The following WDR1 variants were observed in gnomAD, a reference collection of about 807,000 sequenced individuals.
The protein encoded by WDR1 is WD repeat domain 1.
WDR1 carries 21 observed loss-of-function variants against 71.9 expected under a neutral mutation model. The ratio of observed to expected loss-of-function variants is 0.29; its 90% CI spans 0.21 to 0.42. The LOEUF (loss-of-function observed/expected upper bound fraction) is 0.42, where lower values mean the gene tolerates loss of function less well. WDR1 is among the 10% of genes least tolerant of loss of function. The probability of loss-of-function intolerance (pLI) is 1.00; values close to 1 mark genes in which losing one functional copy is unlikely to be tolerated. For synonymous variants in WDR1, 424 were observed against 347.4 expected (o/e 1.22, Z -2.45); for missense variants, 696 against 824.5 (o/e 0.84, Z 1.91).
chr4:10,104,987 A>T (rs1025008036), intron 2 of WDR1, among the ~76,000 whole-genome samples: 2 of 151,776 alleles, frequency 1.3e-5, no homozygotes, highest in African/African-American at 4.8e-5. Context: ...ATCTCACGAG[A>T]CTGAGACCAC....
intron 2 of WDR1, among the ~76,000 whole-genome samples, chr4:10,114,783 C>G (rs1713607879): frequency 6.6e-6 from 1 of 152,222 alleles, no homozygotes. Context: ...GTGTGACTAG[C>G]AAGTTGTTAG....
chr4:10,097,815 C>T lies in WDR1; in HGVS notation c.454G>A (p.Val152Met), dbSNP rs1712441301. The change falls in exon 5 of 15, where the codon GTG becomes ATG. Residue 152 changes from valine (V) to methionine (M), a missense_variant. Transcript: ENST00000499869. ...ITGHNKVINS[V>M]DIKQSRPYRL... is the part of the protein sequence containing the mutation. ...TATGGCCGGCTCTGCTTGATGTCCA[C>T]GCTGTTGATGACTTTGTTGTGTCCT... 4.3e-6 allele frequency: 7 copies of T among 1,613,322 alleles called. No homozygotes were observed. Among genetic ancestry groups the T allele is most frequent in the Non-Finnish European group, 5.1e-6 (6 of 1,179,796 alleles).
chr4:10,103,554 T>A (rs1378211210), intron 3 of WDR1, among the ~76,000 whole-genome samples: 1 of 151,956 alleles, frequency 6.6e-6, no homozygotes, highest in Non-Finnish European at 1.5e-5. Flanking sequence ...TAAAATACAC[T>A]AATACTATCG....
chr4:10,101,933 C>T (rs973130670), intron 3 of WDR1, among the ~76,000 whole-genome samples: 1 of 152,234 alleles, frequency 6.6e-6, no homozygotes, highest in Non-Finnish European at 1.5e-5. Context: ...AAATAAATCA[C>T]AGAGCTAAAT....
At chr4:10,091,078 G>A (rs1422783693) in intron 5 of WDR1, among the ~76,000 whole-genome samples, 1 of 152,262 alleles carries the variant, frequency 6.6e-6, no homozygotes, top group Non-Finnish European at 1.5e-5. Context: ...GGCTTGGCCA[G>A]GCAAGGCAGT....
At chr4:10,076,733 G>A (rs1560525612) in intron 14 of WDR1, 1 of 152,540 alleles carries the variant, frequency 6.6e-6, no homozygotes, top group African/African-American at 2.4e-5. Flanking sequence ...GAGAATGGAT[G>A]AGGGGACTTG....
chr4:10,074,593 GAGC>G lies in WDR1; in HGVS notation c.*782_*784del, dbSNP rs1764723840. On this transcript the variant is annotated 3_prime_UTR_variant, in exon 15 of 15. Transcript: ENST00000499869. ...TCCTTAAATTAACCTTTGCTCTTGA[GAGC>G]AGAAGAGGGAAAGACAGGGGAACAT... 6.6e-6 allele frequency: 1 copy of G among 152,616 alleles called. No individual in the cohort carries two copies. The highest frequency in any genetic ancestry group is 1.5e-5 in the Non-Finnish European group (1 of 68,044). The allele number at this position is 152,616 out of a possible 1,614,324, so 9.5% of individuals were successfully genotyped here. A position where few individuals can be genotyped will look rare whatever the true frequency, so the allele number is the denominator to read the frequency against.
At position 10,083,155 on chromosome 4, in the gene WDR1, C is replaced by T. The variant is rs763672396; in HGVS notation, c.1063G>A (p.Glu355Lys). 5 of 1,613,828 alleles carry T rather than the reference C, an allele frequency of 3.1e-6. No homozygotes were observed. The highest frequency in any genetic ancestry group is 4.2e-6 in the Non-Finnish European group (5 of 1,179,836). Residue 355 changes from glutamate (E) to lysine (K), a missense_variant, in exon 10 of 15, where the codon GAG (glutamate) becomes AAG (lysine). Physicochemically the swap from Glu to Lys is moderately conservative, Grantham distance 56 (BLOSUM62 1). Transcript: ENST00000499869. ...CCTTTCCCAGCGAAGGAGTCGTTCT[C>T]CCCCGTCTCTGAATCCCAGTAATGT... ...HINYWDSETG[E>K]NDSFAGKGHT... is the part of the protein sequence containing the mutation.
intron 6 of WDR1, 61 bp downstream of exon 6, chr4:10,088,603 A>C: frequency 1.4e-6 from 2 of 1,428,216 alleles, no homozygotes; most frequent in Non-Finnish European, 1.9e-6. Flanking sequence ...TGCGGCTCTG[A>C]GCAGTCACGG....
At chr4:10,076,957 CAT>C (rs1442211447) in intron 14 of WDR1, 2 of 231,610 alleles carry the variant, frequency 8.6e-6, no homozygotes, top group African/African-American at 2.3e-5. Flanking sequence ...TTCAACGCCA[CAT>C]GAGGCTCACA....
intron 2 of WDR1, 82 bp from the exon 3 acceptor site, chr4:10,104,068 TG>T (rs1712871365): frequency 3.0e-6 from 4 of 1,355,154 alleles, no homozygotes; most frequent in Non-Finnish European, 4.1e-6. Context: ...AGATATGGGG[TG>T]AAAGGGGTGT....
At chr4:10,080,996 C>A (rs1344758600) in intron 11 of WDR1, among the ~76,000 whole-genome samples, 1 of 152,180 alleles carries the variant, frequency 6.6e-6, no homozygotes, top group African/African-American at 2.4e-5. Flanking sequence ...AGCTACAATG[C>A]AGCAGGGCTG....
At chr4:10,106,288 A>C (rs910525258) in intron 2 of WDR1, 4 of 152,230 alleles carry the variant, frequency 2.6e-5, no homozygotes, top group African/African-American at 9.7e-5. Context: ...TATTTATTAA[A>C]TGTCTGCCCA....
At chr4:10,095,221 A>G (rs1362371044) in intron 5 of WDR1, among the ~76,000 whole-genome samples, 1 of 152,268 alleles carries the variant, frequency 6.6e-6, no homozygotes, top group Admixed American at 6.5e-5. Flanking sequence ...CTCAGCCGTC[A>G]TGTGCTGCAG....
rs758926092 is a variant in WDR1 at position 10,077,371 on chromosome 4, G to A, written c.1647C>T (p.Ser549=). The A allele has an allele frequency of 1.5e-5, 24 of 1,613,888 alleles. No homozygotes were observed. The highest frequency in any genetic ancestry group is 1.6e-4 in the Middle Eastern group (1 of 6,082). The part of the protein sequence containing the change: ...AWSPDNEHFA[S]GGMDMMVYVW... ...CATACACCATCATGTCCATGCCACCGGAGGCAAAGTGTTCATTGTCTGGGG... is the reference window on the plus strand; with the variant it reads ...CATACACCATCATGTCCATGCCACCAGAGGCAAAGTGTTCATTGTCTGGGG... Residue 549 remains serine, a synonymous_variant, in exon 14 of 15, where the codon TCC becomes TCT. Coordinates refer to ENST00000499869, the MANE Select transcript of WDR1 (RefSeq NM_017491.5).
intron 2 of WDR1, among the ~76,000 whole-genome samples, chr4:10,114,506 T>G (rs1369730679): frequency 2.0e-5 from 3 of 152,224 alleles, no homozygotes; most frequent in Non-Finnish European, 4.4e-5. Flanking sequence ...GTACTTTATG[T>G]GAGGCCCCCT....
At chr4:10,094,743 G>A (rs1027304775) in intron 5 of WDR1, 4 of 152,206 alleles carry the variant, frequency 2.6e-5, no homozygotes, top group African/African-American at 9.7e-5. Flanking sequence ...CAGGCCAAAT[G>A]TTCCTCCACT....
Position 10,075,235 on chromosome 4 carries a change from C to T in WDR1, c.*143G>A, listed in dbSNP as rs1764754183. The T allele has an allele frequency of 1.0e-5, 7 of 670,486 alleles. No homozygotes were observed. The highest frequency in any genetic ancestry group is 5.2e-5 in the South Asian group (3 of 57,212). 41.5% of individuals were successfully genotyped at this position (670,486 alleles called of 1,614,324 possible). A position where few individuals can be genotyped will look rare whatever the true frequency, so the allele number is the denominator to read the frequency against. On this transcript the variant is annotated 3_prime_UTR_variant, in exon 15 of 15. Coordinates refer to ENST00000499869, the MANE Select transcript of WDR1 (RefSeq NM_017491.5). Reference sequence around the variant, plus strand: ...AACGTGTACAGACACCCTGCAGAGACGAGGGTCATGACTGGGCCCTCCTGC... The same window carrying T: ...AACGTGTACAGACACCCTGCAGAGATGAGGGTCATGACTGGGCCCTCCTGC...
rs1032640111 is a variant in WDR1 at position 10,116,479 on chromosome 4, T to G, written c.16+172A>C. ...CGCCAACTTGGGGGCGCACCCCCCG[T>G]CGGGGGTCCCGCCCTGCACCACCGA... On this transcript the variant is annotated intron_variant, in intron 1 of 14. Coordinates refer to ENST00000499869, the MANE Select transcript of WDR1 (RefSeq NM_017491.5). 1.4e-5 allele frequency: 9 copies of G among 636,768 alleles called. No individual in the cohort carries two copies. In the Admixed American group the frequency reaches 1.6e-4, roughly 12 times the overall value. The allele number at this position is 636,768 out of a possible 1,614,324, so 39.4% of individuals were successfully genotyped here. A position where few individuals can be genotyped will look rare whatever the true frequency, so the allele number is the denominator to read the frequency against.
Sources: gnomAD v4.1 joint callset for allele counts (sites outside exome capture counted in the v4.1 genomes callset) on GRCh38, gnomAD v4.1.1 for gene constraint, MANE v1.5 for transcripts, NCBI Gene and HGNC (gene_info 2026-07-23, HGNC 2026-07-21) for gene names.